The following PRKCA variants were observed in gnomAD, a reference collection of about 807,000 sequenced individuals.
PRKCA encodes the protein protein kinase C alpha, also known as protein kinase C alpha type.
A neutral mutation model predicts 87.0 loss-of-function variants in PRKCA; 27 were observed. The observed-to-expected ratio is 0.31, with a 90% CI of 0.23 to 0.43. PRKCA has a LOEUF of 0.43. Among genes scored for constraint, PRKCA ranks in the 20% least tolerant of loss-of-function variants. PRKCA has a pLI of 1.00. For missense variants in PRKCA, 518 were observed against 852.3 expected (o/e 0.61, Z 4.88); for synonymous variants, 329 against 311.1 (o/e 1.06, Z -0.61).
chr17:66,344,538 G>A (rs1031685738), intron 2 of PRKCA, among the ~76,000 whole-genome samples: 3 of 152,132 alleles, frequency 2.0e-5, no homozygotes, highest in Admixed American at 6.6e-5. Flanking sequence ...AAAACAGTTA[G>A]TTGTTATTAG....
intron 16 of PRKCA, among the ~76,000 whole-genome samples, chr17:66,801,257 G>A (rs1975891608): frequency 6.6e-6 from 1 of 152,180 alleles, no homozygotes; most frequent in Non-Finnish European, 1.5e-5. Flanking sequence ...AGGTACTGTT[G>A]ACATCTTGAG....
intron 2 of PRKCA, among the ~76,000 whole-genome samples, chr17:66,488,559 C>G (rs1161591764): frequency 6.6e-6 from 1 of 152,170 alleles, no homozygotes; most frequent in Non-Finnish European, 1.5e-5. Context: ...TCAGCCCTGT[C>G]TTCAAAGTAT....
intron 2 of PRKCA, among the ~76,000 whole-genome samples, chr17:66,430,115 G>C (rs969603021): frequency 6.6e-6 from 1 of 152,090 alleles, no homozygotes; most frequent in Non-Finnish European, 1.5e-5. Flanking sequence ...CCCCTGATGA[G>C]CTCTTCCCTG....
Position 66,561,462 on chromosome 17 carries a change from C to A in PRKCA, c.288+65179C>A, listed in dbSNP as rs575987426. On this transcript the variant is annotated intron_variant, in intron 3 of 16. Transcript: ENST00000413366. ...GAGAATGTATGTTTCTAGTCTGAATCCTTTTGGCTTTATGTTGTCATTCAG... is the reference window on the plus strand; with the variant it reads ...GAGAATGTATGTTTCTAGTCTGAATACTTTTGGCTTTATGTTGTCATTCAG... Among the ~76,000 whole-genome samples, 4 of 152,286 alleles carry A rather than the reference C, an allele frequency of 2.6e-5. No individual in the cohort carries two copies. The South Asian group carries it at 8.3e-4, about 32-fold the overall frequency.
intron 2 of PRKCA, among the ~76,000 whole-genome samples, chr17:66,403,310 C>T (rs1192501565): frequency 1.3e-5 from 2 of 152,130 alleles, no homozygotes; most frequent in Non-Finnish European, 2.9e-5. Flanking sequence ...GATATCATTC[C>T]TGACCCTGAT....
chr17:66,746,295 G>T (rs979019084), intron 13 of PRKCA, among the ~76,000 whole-genome samples: 1 of 151,534 alleles, frequency 6.6e-6, no homozygotes, highest in African/African-American at 2.4e-5. Context: ...GGTAGTACAG[G>T]TGTGTGCCAC....
intron 4 of PRKCA, among the ~76,000 whole-genome samples, chr17:66,643,702 C>A (rs757477077): frequency 2.0e-5 from 3 of 152,126 alleles, no homozygotes; most frequent in Non-Finnish European, 4.4e-5. Context: ...TTTCTGGAGA[C>A]AGGAGGAGAG....
intron 2 of PRKCA, among the ~76,000 whole-genome samples, chr17:66,323,101 T>G (rs2143227085): frequency 6.6e-6 from 1 of 152,302 alleles, no homozygotes; most frequent in East Asian, 1.9e-4. Context: ...CAAATGTCCT[T>G]AAATCTTTTT....
intron 5 of PRKCA, among the ~76,000 whole-genome samples, chr17:66,650,002 C>T (rs2143839757): frequency 6.6e-6 from 1 of 152,272 alleles, no homozygotes; most frequent in East Asian, 1.9e-4. Flanking sequence ...TGGTGGCTTT[C>T]ATGAGAACAC....
At chr17:66,671,708 C>T (rs1303760239) in intron 5 of PRKCA, among the ~76,000 whole-genome samples, 1 of 152,182 alleles carries the variant, frequency 6.6e-6, no homozygotes, top group Non-Finnish European at 1.5e-5. Context: ...AGTAGAATTG[C>T]CCCAAGTCAG....
chr17:66,321,545 A>T (rs1473257389), intron 2 of PRKCA, among the ~76,000 whole-genome samples: 1 of 152,036 alleles, frequency 6.6e-6, no homozygotes, highest in Non-Finnish European at 1.5e-5. Flanking sequence ...AATTTAGCTC[A>T]CTTTTTAAAA....
At chr17:66,341,952 A>G (rs1029675796) in intron 2 of PRKCA, among the ~76,000 whole-genome samples, 1 of 152,198 alleles carries the variant, frequency 6.6e-6, no homozygotes, top group Non-Finnish European at 1.5e-5. Context: ...ATCCTGAGTC[A>G]TAGATATAAG....
chr17:66,761,739 T>A (rs1022047887), intron 13 of PRKCA, among the ~76,000 whole-genome samples: 6 of 152,084 alleles, frequency 3.9e-5, no homozygotes, highest in Non-Finnish European at 5.9e-5. Context: ...TCTTTTTTTT[T>A]TATATAATGC....
intron 2 of PRKCA, among the ~76,000 whole-genome samples, chr17:66,426,621 C>T (rs771644427): frequency 3.3e-5 from 5 of 152,176 alleles, no homozygotes; most frequent in Non-Finnish European, 7.3e-5. Flanking sequence ...GCTGCAAGAA[C>T]CCCCGTTTTG....
intron 3 of PRKCA, among the ~76,000 whole-genome samples, chr17:66,560,026 C>T (rs566438299): frequency 6.6e-6 from 1 of 152,312 alleles, no homozygotes; most frequent in East Asian, 1.9e-4. Context: ...AGCCGAATGA[C>T]TTCTGGTCCA....
chr17:66,798,308 C>A (rs1975717441), intron 16 of PRKCA, among the ~76,000 whole-genome samples: 1 of 150,296 alleles, frequency 6.7e-6, no homozygotes, highest in Non-Finnish European at 1.5e-5. Flanking sequence ...GCAGTACCTT[C>A]TTGAATCTAC....
chr17:66,466,769 G>A (rs1459803061), intron 2 of PRKCA, among the ~76,000 whole-genome samples: 2 of 152,030 alleles, frequency 1.3e-5, no homozygotes, highest in South Asian at 2.1e-4. Flanking sequence ...AATAACAGTG[G>A]TGCTAAGATT....
intron 2 of PRKCA, among the ~76,000 whole-genome samples, chr17:66,489,983 G>T (rs950107275): frequency 7.2e-5 from 11 of 151,804 alleles, no homozygotes; most frequent in African/African-American, 2.7e-4. Flanking sequence ...GTTTCACCAT[G>T]TTGGCCAGGC....
At chr17:66,528,877 A>G (rs1225786432) in intron 3 of PRKCA, among the ~76,000 whole-genome samples, 1 of 152,246 alleles carries the variant, frequency 6.6e-6, no homozygotes, top group Non-Finnish European at 1.5e-5. Flanking sequence ...TAAGACTAAG[A>G]GGCAACAGAT....
Sources: allele counts gnomAD v4.1 joint callset (sites outside exome capture counted in the v4.1 genomes callset), GRCh38; gene constraint gnomAD v4.1.1; transcripts MANE v1.5; gene names NCBI Gene and HGNC (gene_info 2026-07-23, HGNC 2026-07-21).